ARHGAP39: variants seen among roughly 807,000 people sequenced by gnomAD.
ARHGAP39 encodes the protein Rho GTPase activating protein 39.
In ARHGAP39, 44 loss-of-function variants were observed where a neutral mutation model predicts 106.9. The ratio of observed to expected loss-of-function variants is 0.41; its 90% CI spans 0.32 to 0.53. The LOEUF (loss-of-function observed/expected upper bound fraction) is 0.53, where lower values mean the gene tolerates loss of function less well. ARHGAP39 is among the 20% of genes least tolerant of loss of function. The pLI is 0.21. For synonymous variants in ARHGAP39, 768 were observed against 693.2 expected, an observed-to-expected ratio of 1.11 and a Z score of -1.69; for missense variants, 1,496 against 1,577.3, an observed-to-expected ratio of 0.95 and a Z score of 0.87.
At chr8:144,651,158 G>A in intron 1 of ARHGAP39, among the ~76,000 whole-genome samples, 1 of 152,040 alleles carries the variant, frequency 6.6e-6, no homozygotes, top group East Asian at 1.9e-4. Context: ...ATTCACAAAT[G>A]CCACAAAAAG....
At chr8:144,596,021 C>T (rs920229095) in intron 2 of ARHGAP39, among the ~76,000 whole-genome samples, 3 of 152,180 alleles carry the variant, frequency 2.0e-5, no homozygotes, top group Non-Finnish European at 2.9e-5. Flanking sequence ...GACACCCAGA[C>T]CAAGCAGCAG....
chr8:144,592,523 C>G (rs1445983085), intron 2 of ARHGAP39, among the ~76,000 whole-genome samples: 1 of 139,272 alleles, frequency 7.2e-6, no homozygotes, highest in Admixed American at 7.0e-5. Flanking sequence ...AGGGCACCTC[C>G]TGGGGGACAG....
In ARHGAP39 at chr8:144,580,923, GTCGGGC is replaced by G; in HGVS notation, c.429_434del (p.Glu143_Pro144del). On this transcript the variant is annotated inframe_deletion, in exon 3 of 12. Coordinates refer to ENST00000377307, the MANE Select transcript of ARHGAP39 (RefSeq NM_025251.3). ...CTGGCAACTCCTGCGCTTTCTCAGT[GTCGGGC>G]TCGGGCTCCAGGGAGGAGCTGGTGC... The G allele has an allele frequency of 1.2e-6, 2 of 1,605,588 alleles. No individual in the cohort carries two copies. Among genetic ancestry groups the G allele is most frequent in the Non-Finnish European group, 1.7e-6 (2 of 1,178,432 alleles).
the ARHGAP39 span, among the ~76,000 whole-genome samples, chr8:144,693,576 T>A: frequency 6.6e-6 from 1 of 151,156 alleles, no homozygotes; most frequent in Non-Finnish European, 1.5e-5. Context: ...GGTTTCACCG[T>A]GTTAGCCAGG....
chr8:144,676,851 C>T (rs1002755341), intron 1 of ARHGAP39, among the ~76,000 whole-genome samples: 2 of 152,272 alleles, frequency 1.3e-5, no homozygotes, highest in Non-Finnish European at 2.9e-5. Context: ...GCTCCTCCAG[C>T]GTGGCCAGAG....
chr8:144,694,020 G>A, the ARHGAP39 span, among the ~76,000 whole-genome samples: 1 of 152,138 alleles, frequency 6.6e-6, no homozygotes, highest in Non-Finnish European at 1.5e-5. Flanking sequence ...AAGGAGAAAG[G>A]CAGTACAAAG....
intron 1 of ARHGAP39, among the ~76,000 whole-genome samples, chr8:144,657,426 C>T (rs1416327778): frequency 6.6e-6 from 1 of 152,158 alleles, no homozygotes; most frequent in East Asian, 1.9e-4. Flanking sequence ...TGCTACTGCA[C>T]TCCAGGCTGG....
chr8:144,675,332 C>A (rs891655942), intron 1 of ARHGAP39, among the ~76,000 whole-genome samples: 4 of 152,206 alleles, frequency 2.6e-5, no homozygotes, highest in African/African-American at 9.6e-5. Context: ...TCCCGGTACG[C>A]CACTGTGTCC....
chr8:144,678,044 C>T (rs1467323406), intron 1 of ARHGAP39, among the ~76,000 whole-genome samples: 1 of 152,202 alleles, frequency 6.6e-6, no homozygotes, highest in African/African-American at 2.4e-5. Context: ...AACTCCCCAT[C>T]CTAAACCCAA....
intron 2 of ARHGAP39, among the ~76,000 whole-genome samples, chr8:144,599,011 A>G (rs1819738811): frequency 1.3e-5 from 2 of 152,262 alleles, no homozygotes; most frequent in Admixed American, 1.3e-4. Flanking sequence ...AGTGATCATC[A>G]GAGCCCCAAA....
At chr8:144,688,706 G>C (rs1029242754), upstream of ARHGAP39, among the ~76,000 whole-genome samples, 1 of 152,208 alleles carries the variant, frequency 6.6e-6, no homozygotes, top group South Asian at 2.1e-4. Context: ...CTGGGCAACA[G>C]AGCGAGACCC....
At position 144,684,659 on chromosome 8, in the gene ARHGAP39, A is replaced by G. The variant is rs1586657764; in HGVS notation, c.-82+1027T>C. Among the ~76,000 whole-genome samples the G allele has an allele frequency of 6.6e-6, 1 of 152,196 alleles. No homozygotes were observed. The highest frequency in any genetic ancestry group is 2.4e-5 in the African/African-American group (1 of 41,452). ...TAAAATAAAAAACGTCCTGGGCCCCAAAATGCACAGCCCGCCTCTCTCGCC... is the reference window on the plus strand; with the variant it reads ...TAAAATAAAAAACGTCCTGGGCCCCGAAATGCACAGCCCGCCTCTCTCGCC... On this transcript the variant is annotated intron_variant, in intron 1 of 11. Coordinates refer to ENST00000377307, the MANE Select transcript of ARHGAP39 (RefSeq NM_025251.3). The surrounding 1 kb of genome is among the most constrained non-coding windows in gnomAD (Gnocchi z 4.4).
chr8:144,529,201 C>T lies in ARHGAP39; in HGVS notation c.*1221G>A. The T allele has an allele frequency of 3.0e-6, 1 of 329,740 alleles. No homozygotes were observed. The highest frequency in any genetic ancestry group is 5.5e-6 in the Non-Finnish European group (1 of 181,984). The allele number at this position is 329,740 out of a possible 1,614,324, so 20.4% of individuals were successfully genotyped here. On this transcript the variant is annotated 3_prime_UTR_variant, in exon 12 of 12. Transcript: ENST00000377307. ...GCGCAGGGTCCATGTGCACTTTATT[C>T]ACTCGTGTCGTCGCCTCTCGGGTCC...
Position 144,545,396 on chromosome 8 carries a change from T to A in ARHGAP39, c.2374A>T (p.Thr792Ser). 6.3e-7 allele frequency: 1 copy of A among 1,593,730 alleles called. No homozygotes were observed. Among genetic ancestry groups the A allele is most frequent in the Non-Finnish European group, 8.6e-7 (1 of 1,168,930 alleles). Residue 792 changes from threonine (T) to serine (S), a missense_variant, in exon 6 of 12, where the codon ACC becomes TCC. Physicochemically the swap from Thr to Ser is moderately conservative, Grantham distance 58 (BLOSUM62 1). Coordinates refer to ENST00000377307, the MANE Select transcript of ARHGAP39 (RefSeq NM_025251.3). ...DELYIQLCRQ[T>S]TENFRLESLA... ...CTCTCCAGGCGGAAGTTCTCGGTGG[T>A]CTGCCGGCACAGCTGGATGTAGAGC...
rs911459616 is a variant in ARHGAP39 at position 144,684,303 on chromosome 8, C to T, written c.-82+1383G>A. ...ACCTCCTATCAAATCGCCTTTCCCT[C>T]CCCCGGCGCGAGAATCGCACCTTGC... On this transcript the variant is annotated intron_variant, in intron 1 of 11. Coordinates refer to ENST00000377307, the MANE Select transcript of ARHGAP39 (RefSeq NM_025251.3). This position sits in a 1 kb window ranked among gnomAD's most constrained non-coding sequence, Gnocchi z 4.4. Among the ~76,000 whole-genome samples, 1 of 152,250 alleles carries T rather than the reference C, an allele frequency of 6.6e-6. No individual in the cohort carries two copies. Among genetic ancestry groups the T allele is most frequent in the Non-Finnish European group, 1.5e-5 (1 of 68,040 alleles).
chr8:144,639,731 G>A (rs1821263390), intron 1 of ARHGAP39, among the ~76,000 whole-genome samples: 1 of 152,056 alleles, frequency 6.6e-6, no homozygotes, highest in Non-Finnish European at 1.5e-5. Context: ...GTGGATGTGA[G>A]CAGAGCACGT....
At chr8:144,681,549 G>T (rs1312197729) in intron 1 of ARHGAP39, among the ~76,000 whole-genome samples, 1 of 152,192 alleles carries the variant, frequency 6.6e-6, no homozygotes, top group Non-Finnish European at 1.5e-5. Flanking sequence ...GTATTTCATG[G>T]ACTTTTTTTC....
rs1822535875 is a variant in ARHGAP39, at chr8:144,684,849, C to A, written c.-82+837G>T. ...CGCAGAGGCGAGGCCGCAGAGCCCA[C>A]CCGCAGGCGGCCATGACCCCACCTG... On this transcript the variant is annotated intron_variant, in intron 1 of 11. Transcript: ENST00000377307. The surrounding 1 kb of genome is among the most constrained non-coding windows in gnomAD (Gnocchi z 4.4). 6.6e-6 allele frequency among the ~76,000 whole-genome samples: 1 copy of A among 152,226 alleles called. No homozygotes were observed. Among genetic ancestry groups the A allele is most frequent in the Non-Finnish European group, 1.5e-5 (1 of 68,032 alleles).
intron 4 of ARHGAP39, among the ~76,000 whole-genome samples, chr8:144,550,407 C>T (rs1817648388): frequency 6.6e-6 from 1 of 152,228 alleles, no homozygotes; most frequent in Non-Finnish European, 1.5e-5. Flanking sequence ...TGAGACCAGC[C>T]TGGGGAACAC....
Sources: gnomAD v4.1 joint callset for allele counts (sites outside exome capture counted in the v4.1 genomes callset) on GRCh38, gnomAD v4.1.1 for gene constraint, Gnocchi (gnomAD v3.1) non-coding constraint, MANE v1.5 for transcripts, NCBI Gene and HGNC (gene_info 2026-07-23, HGNC 2026-07-21) for gene names.